UGT1A6: variants seen among roughly 807,000 people sequenced by gnomAD.
The protein encoded by UGT1A6 is UDP-glucuronosyltransferase 1A6.
UGT1A6 carries 32 observed loss-of-function variants against 44.4 expected under a neutral mutation model. The ratio of observed to expected loss-of-function variants is 0.72; its 90% CI spans 0.54 to 0.97. The LOEUF (loss-of-function observed/expected upper bound fraction) is 0.97, where lower values mean the gene tolerates loss of function less well. Ranked by LOEUF, UGT1A6 falls within the 50% of genes least tolerant of loss-of-function variation. UGT1A6 has a pLI of 0.00. For synonymous variants in UGT1A6, 238 were observed against 248.5 expected (o/e 0.96, Z 0.40); for missense variants, 685 against 661.9 (o/e 1.03, Z -0.38).
In UGT1A6 at chr2:233,768,348, G is replaced by T; in HGVS notation, c.1210G>T (p.Glu404Ter). 1 of 1,614,198 alleles carries T rather than the reference G, an allele frequency of 6.2e-7. No homozygotes were observed. Among genetic ancestry groups the T allele is most frequent in the Non-Finnish European group, 8.5e-7 (1 of 1,180,042 alleles). The change falls in exon 4 of 5, where the codon GAG becomes TAG. Residue 404 changes from glutamate to a stop codon, truncating the protein, a stop_gained. Coordinates refer to ENST00000305139, the MANE Select transcript of UGT1A6 (RefSeq NM_001072.4). LOFTEE classifies it high-confidence loss of function. The part of the protein sequence containing the change: ...GDQMDNAKRM[E>*]TKGAGVTLNV... ...TCAGATGGACAATGCAAAGCGCATG[G>T]AGACTAAGGGAGCTGGAGTGACCCT...
intron 1 of UGT1A6, chr2:233,743,959 C>A (rs371517697): frequency 5.2e-6 from 7 of 1,333,990 alleles, no homozygotes; most frequent in Non-Finnish European, 7.0e-6. Context: ...GCACAGCGAG[C>A]GGCAAGGCTG....
intron 1 of UGT1A6, chr2:233,760,347 G>A (rs1239455417): frequency 6.2e-7 from 1 of 1,613,914 alleles, no homozygotes; most frequent in African/African-American, 1.3e-5. Flanking sequence ...TGTGTGTGCT[G>A]GGCCCAGTGG....
chr2:233,726,251 G>A (rs1242406933), intron 1 of UGT1A6, among the ~76,000 whole-genome samples: 1 of 152,170 alleles, frequency 6.6e-6, no homozygotes, highest in African/African-American at 2.4e-5. Flanking sequence ...TGAAAAGCTG[G>A]GTGCAGTGGC....
intron 1 of UGT1A6, chr2:233,761,197 G>A (rs369591851): frequency 3.7e-6 from 6 of 1,613,996 alleles, no homozygotes; most frequent in Non-Finnish European, 5.1e-6. Flanking sequence ...TCTTTCAGAT[G>A]TATTACTTTG....
intron 1 of UGT1A6, among the ~76,000 whole-genome samples, chr2:233,759,580 A>G (rs1271749262): frequency 2.0e-5 from 3 of 151,416 alleles, no homozygotes; most frequent in Non-Finnish European, 2.9e-5. Flanking sequence ...TCTCTACCCC[A>G]GCACGCCCCC....
At chr2:233,718,680 G>C in intron 1 of UGT1A6, 1 of 1,570,166 alleles carries the variant, frequency 6.4e-7, no homozygotes, top group South Asian at 1.2e-5. Flanking sequence ...TGGGTAATAA[G>C]TAACTGGAGG....
At chr2:233,714,115 C>T (rs575148035) in intron 1 of UGT1A6, among the ~76,000 whole-genome samples, 6 of 152,210 alleles carry the variant, frequency 3.9e-5, no homozygotes, top group African/African-American at 1.4e-4. Context: ...GTGTGACTCA[C>T]GGAGACTGTT....
At chr2:233,758,604 G>A (rs1575759841) in intron 1 of UGT1A6, among the ~76,000 whole-genome samples, 2 of 152,306 alleles carry the variant, frequency 1.3e-5, no homozygotes, top group East Asian at 3.9e-4. Context: ...AGGAGCTTCA[G>A]TGTGCATGTG....
intron 1 of UGT1A6, chr2:233,747,491 G>T: frequency 6.2e-7 from 1 of 1,608,968 alleles, no homozygotes; most frequent in Non-Finnish European, 8.5e-7. Context: ...ATCGCCTTGT[G>T]CTGGGCCACA....
chr2:233,726,035 G>A (rs1399776855), intron 1 of UGT1A6, among the ~76,000 whole-genome samples: 10 of 152,160 alleles, frequency 6.6e-5, no homozygotes, highest in Admixed American at 4.6e-4. Context: ...GTGTGATGGC[G>A]CACACCTGTG....
intron 1 of UGT1A6, among the ~76,000 whole-genome samples, chr2:233,761,978 G>A (rs947618547): frequency 6.6e-6 from 1 of 152,138 alleles, no homozygotes; most frequent in Non-Finnish European, 1.5e-5. Flanking sequence ...TATCACCTTC[G>A]GAGGTGACCT....
intron 1 of UGT1A6, among the ~76,000 whole-genome samples, chr2:233,759,688 G>T (rs537890519): frequency 7.0e-6 from 1 of 143,840 alleles, no homozygotes; most frequent in Admixed American, 7.5e-5. Flanking sequence ...TGTGAGTCTG[G>T]CTCACCTCAT....
At chr2:233,750,500 A>G (rs1694475449) in intron 1 of UGT1A6, 1 of 152,024 alleles carries the variant, frequency 6.6e-6, no homozygotes, top group South Asian at 2.1e-4. Flanking sequence ...AGGAGGAGCC[A>G]AATGTTAATT....
At chr2:233,691,848 T>C (rs2075060347), upstream of UGT1A6, 1 of 159,620 alleles carries the variant, frequency 6.3e-6, no homozygotes, top group Admixed American at 6.5e-5. Flanking sequence ...TGTTGTTATA[T>C]TGTGATGTAT....
intron 1 of UGT1A6, among the ~76,000 whole-genome samples, chr2:233,696,769 T>C (rs2125568935): frequency 6.6e-6 from 1 of 152,312 alleles, no homozygotes; most frequent in Middle Eastern, 3.4e-3. Context: ...ATTTATCATA[T>C]ATGGATTTTA....
intron 1 of UGT1A6, chr2:233,755,875 T>A (rs1402547099): frequency 2.6e-5 from 4 of 152,198 alleles, no homozygotes; most frequent in Non-Finnish European, 5.9e-5. Flanking sequence ...CTAACAAACC[T>A]TTTTATGTAA....
At position 233,769,465 on chromosome 2, in the gene UGT1A6, G is replaced by C. The variant is rs34036745; in HGVS notation, c.1301+1026G>C. On this transcript the variant is annotated intron_variant, in intron 4 of 4. Coordinates refer to ENST00000305139, the MANE Select transcript of UGT1A6 (RefSeq NM_001072.4). This position sits in a 1 kb window ranked among gnomAD's most constrained non-coding sequence, Gnocchi z 4.4. The stretch of plus-strand genomic sequence containing the variant: ...GGTGCACACGTGTGCATTCATATGC[G>C]TGTGTGTGTGTGTGCGTGTGTTTAT... The C allele has an allele frequency of 4.2e-4, 555 of 1,316,536 alleles. 2 individuals are homozygous for C. The African/African-American group carries it at 7.4e-3, about 18-fold the overall frequency. 81.6% of individuals were successfully genotyped at this position (1,316,536 alleles called of 1,614,324 possible). A position where few individuals can be genotyped will look rare whatever the true frequency, so the allele number is the denominator to read the frequency against.
chr2:233,757,560 A>ATATATATATATATATATATATATATGTG (rs904896556), intron 1 of UGT1A6, among the ~76,000 whole-genome samples: 2 of 123,156 alleles, frequency 1.6e-5, no homozygotes, highest in African/African-American at 6.8e-5. Context: ...ATATATATAT[A>ATATATATATATATATATATATATATGTG]TGTATATATG....
chr2:233,737,160 G>A (rs1247160772), intron 1 of UGT1A6, among the ~76,000 whole-genome samples: 1 of 152,224 alleles, frequency 6.6e-6, no homozygotes, highest in Non-Finnish European at 1.5e-5. Flanking sequence ...CCTGCCCACA[G>A]AGGTGGAGTC....
Sources: gnomAD v4.1 joint callset for allele counts (sites outside exome capture counted in the v4.1 genomes callset) on GRCh38, gnomAD v4.1.1 for gene constraint, Gnocchi (gnomAD v3.1) non-coding constraint, MANE v1.5 for transcripts, NCBI Gene and HGNC (gene_info 2026-07-23, HGNC 2026-07-21) for gene names.